ADAMTS16: variants seen among roughly 807,000 people sequenced by gnomAD.
ADAMTS16 encodes ADAM metallopeptidase with thrombospondin type 1 motif 16.
In ADAMTS16, 94 loss-of-function variants were observed where a neutral mutation model predicts 145.8. The observed-to-expected ratio is 0.64, with a 90% CI of 0.55 to 0.77. The LOEUF (loss-of-function observed/expected upper bound fraction) is 0.77. Among genes scored for constraint, ADAMTS16 ranks in the 30% least tolerant of loss-of-function variants. ADAMTS16 has a pLI of 0.00. For synonymous variants in ADAMTS16, 659 were observed against 604.3 expected, an observed-to-expected ratio of 1.09 and a Z score of -1.33; for missense variants, 1,585 against 1,591.5, an observed-to-expected ratio of 1.00 and a Z score of 0.07.
intron 22 of ADAMTS16, 101 bp from the exon 23 acceptor site, chr5:5,318,922 G>A: frequency 1.2e-6 from 1 of 832,584 alleles, no homozygotes; most frequent in South Asian, 1.6e-5. Flanking sequence ...CAGCCGCAGA[G>A]CGTGACAAAT....
At chr5:5,293,234 T>C (rs1739400687) in intron 18 of ADAMTS16, among the ~76,000 whole-genome samples, 1 of 152,170 alleles carries the variant, frequency 6.6e-6, no homozygotes, top group African/African-American at 2.4e-5. Context: ...TCGATGGGTG[T>C]GGCATTGAAC....
chr5:5,312,959 C>A (rs369104512), intron 21 of ADAMTS16, among the ~76,000 whole-genome samples: 2 of 152,202 alleles, frequency 1.3e-5, no homozygotes, highest in African/African-American at 4.8e-5. Context: ...CGTTCACCAC[C>A]CTCCTGCTTA....
rs531365873 is a variant in ADAMTS16, at chr5:5,226,037, A to G, written c.1701+3153A>G. Among the ~76,000 whole-genome samples the G allele has an allele frequency of 2.6e-5, 4 of 152,238 alleles. No individual in the cohort carries two copies. The South Asian group carries it at 6.2e-4, about 24-fold the overall frequency. On this transcript the variant is annotated intron_variant, in intron 11 of 22. Transcript: ENST00000274181. The stretch of plus-strand genomic sequence containing the variant: ...TTTGTGAGGGAGTCCACCCATGGAG[A>G]CACGTGGCCTTCCATCTTCGCATCT...
At chr5:5,222,997 T>C (rs1030852875) in intron 11 of ADAMTS16, 113 bp downstream of exon 11, 1 of 795,552 alleles carries the variant, frequency 1.3e-6, no homozygotes, top group African/African-American at 1.7e-5. Flanking sequence ...CATATACATA[T>C]GCATACCCAT....
intron 12 of ADAMTS16, 80 bp from the exon 13 acceptor site, chr5:5,234,934 A>G (rs2126375610): frequency 8.0e-7 from 1 of 1,246,292 alleles, no homozygotes. Context: ...TCTTAGCTTC[A>G]TCTCTCCAAT....
chr5:5,307,560 C>G (rs944312735), intron 21 of ADAMTS16, among the ~76,000 whole-genome samples: 2 of 152,174 alleles, frequency 1.3e-5, no homozygotes, highest in African/African-American at 4.8e-5. Context: ...ACTGTCTCGC[C>G]CATCTCCATG....
chr5:5,223,966 A>G (rs1360153506), intron 11 of ADAMTS16, among the ~76,000 whole-genome samples: 2 of 152,168 alleles, frequency 1.3e-5, no homozygotes, highest in East Asian at 3.9e-4. Flanking sequence ...TTAAATACCA[A>G]AGAAAATATA....
chr5:5,238,709 T>C (rs1402670027), intron 14 of ADAMTS16, among the ~76,000 whole-genome samples: 1 of 152,260 alleles, frequency 6.6e-6, no homozygotes, highest in Non-Finnish European at 1.5e-5. Context: ...GCCCTTTATG[T>C]AATTACTACT....
In ADAMTS16 at chr5:5,164,108, C is replaced by T. The variant is rs76917986; in HGVS notation, c.501+17653C>T. Among the ~76,000 whole-genome samples the T allele has an allele frequency of 3.8e-3, 574 of 152,298 alleles. 6 individuals are homozygous for T. The highest frequency in any genetic ancestry group is 0.013 in the African/African-American group (550 of 41,546). On this transcript the variant is annotated intron_variant, in intron 3 of 22. Transcript: ENST00000274181. ...GTTCTGAGTATCATGGGTAGATATGCAGAAGGCGGCAAACTCCATAGGTAA... is the reference window on the plus strand; with the variant it reads ...GTTCTGAGTATCATGGGTAGATATGTAGAAGGCGGCAAACTCCATAGGTAA...
chr5:5,314,965 G>A (rs1029694471), intron 21 of ADAMTS16, among the ~76,000 whole-genome samples: 1 of 152,218 alleles, frequency 6.6e-6, no homozygotes, highest in African/African-American at 2.4e-5. Flanking sequence ...GCCTGGTACT[G>A]GGGAGGTGGG....
intron 8 of ADAMTS16, among the ~76,000 whole-genome samples, chr5:5,197,649 A>G (rs190463629): frequency 4.1e-4 from 63 of 152,370 alleles, no homozygotes; most frequent in Non-Finnish European, 2.4e-4. Context: ...TAATTTGAAT[A>G]GTAGTTATAG....
At chr5:5,173,674 C>T (rs1373126199) in intron 3 of ADAMTS16, among the ~76,000 whole-genome samples, 1 of 151,964 alleles carries the variant, frequency 6.6e-6, no homozygotes, top group Non-Finnish European at 1.5e-5. Context: ...GGGGTTTCAC[C>T]ATGTTAGCCA....
chr5:5,309,397 C>T (rs1740321986), intron 21 of ADAMTS16, among the ~76,000 whole-genome samples: 1 of 152,032 alleles, frequency 6.6e-6, no homozygotes, highest in Non-Finnish European at 1.5e-5. Flanking sequence ...GGATGTGCAA[C>T]CCACAGATAA....
intron 6 of ADAMTS16, among the ~76,000 whole-genome samples, chr5:5,188,747 G>A (rs879472442): frequency 2.6e-5 from 4 of 152,122 alleles, no homozygotes; most frequent in South Asian, 2.1e-4. Flanking sequence ...TGCATGGTGG[G>A]GGCATGTGTG....
intron 9 of ADAMTS16, among the ~76,000 whole-genome samples, chr5:5,201,200 C>G (rs767150103): frequency 1.3e-5 from 2 of 152,090 alleles, no homozygotes; most frequent in East Asian, 1.9e-4. Context: ...GGAGGGTGTG[C>G]GGGACAAGGG....
Position 5,319,141 on chromosome 5 carries a change from T to G in ADAMTS16, c.*3T>G, listed in dbSNP as rs866742848. ...CTTGCTCTAAGTCCAACTTGTGAGT[T>G]GGGACCGCTCTCCGTAGCAGAGAAA... On this transcript the variant is annotated 3_prime_UTR_variant, in exon 23 of 23. Transcript: ENST00000274181. 2.8e-5 allele frequency: 45 copies of G among 1,603,482 alleles called. No individual in the cohort carries two copies. The Middle Eastern group carries it at 2.8e-3, about 98-fold the overall frequency.
intron 3 of ADAMTS16, among the ~76,000 whole-genome samples, chr5:5,167,829 T>C (rs146809492): frequency 2.0e-4 from 31 of 152,170 alleles, no homozygotes; most frequent in Non-Finnish European, 3.5e-4. Context: ...AATTGAGGAG[T>C]TGAAGGCCTA....
intron 9 of ADAMTS16, among the ~76,000 whole-genome samples, chr5:5,208,339 G>A (rs1452786380): frequency 6.6e-6 from 1 of 152,026 alleles, no homozygotes; most frequent in African/African-American, 2.4e-5. Flanking sequence ...CTCAGGGAAG[G>A]GCCTATTGAA....
intron 17 of ADAMTS16, among the ~76,000 whole-genome samples, chr5:5,250,446 A>G (rs1413506920): frequency 6.6e-6 from 1 of 152,148 alleles, no homozygotes; most frequent in Non-Finnish European, 1.5e-5. Context: ...TTCTGATCTC[A>G]TGTGTTTCCC....
Sources: allele counts gnomAD v4.1 joint callset (sites outside exome capture counted in the v4.1 genomes callset), GRCh38; gene constraint gnomAD v4.1.1; transcripts MANE v1.5; gene names NCBI Gene and HGNC (gene_info 2026-07-23, HGNC 2026-07-21).